Variants in NRG1 observed in about 807,000 individuals in gnomAD.
NRG1 encodes the protein neuregulin 1, also known as pro-neuregulin-1, membrane-bound isoform.
In NRG1, 18 loss-of-function variants were observed where a neutral mutation model predicts 63.8. The observed-to-expected ratio is 0.28, with a 90% CI of 0.19 to 0.42. The LOEUF (loss-of-function observed/expected upper bound fraction) is 0.42. NRG1 is among the 10% of genes least tolerant of loss of function. NRG1 has a pLI of 1.00. For synonymous variants in NRG1, 302 were observed against 301.3 expected (o/e 1.00, Z -0.02); for missense variants, 762 against 814.7 (o/e 0.94, Z 0.79).
chr8:31,924,875 T>C (rs1302262668), intron 1 of NRG1, among the ~76,000 whole-genome samples: 1 of 151,690 alleles, frequency 6.6e-6, no homozygotes, highest in Non-Finnish European at 1.5e-5. Flanking sequence ...ATTTAAAAAA[T>C]ATGTTGCTTA....
upstream of NRG1, among the ~76,000 whole-genome samples, chr8:32,545,260 A>G (rs1304202937): frequency 8.1e-6 from 1 of 123,726 alleles, no homozygotes; most frequent in Admixed American, 7.9e-5. Context: ...CGTTTCTCTT[A>G]CGCTGTCATT....
chr8:32,351,564 C>T (rs762138328), intron 1 of NRG1, among the ~76,000 whole-genome samples: 1 of 152,146 alleles, frequency 6.6e-6, no homozygotes, highest in Admixed American at 6.6e-5. Context: ...CTCTTTACTT[C>T]CTACAGTTCC....
At chr8:31,682,715 A>G (rs1808466042) in intron 1 of NRG1, among the ~76,000 whole-genome samples, 1 of 152,136 alleles carries the variant, frequency 6.6e-6, no homozygotes, top group Admixed American at 6.6e-5. Flanking sequence ...GCAATGAACC[A>G]CAGATAAAAA....
chr8:32,299,679 T>A (rs370758702), intron 1 of NRG1, among the ~76,000 whole-genome samples: 41 of 152,244 alleles, frequency 2.7e-4, no homozygotes, highest in African/African-American at 8.9e-4. Context: ...CTCACAATTA[T>A]GGTAGAAAGC....
chr8:32,348,742 A>G (rs749234400), intron 1 of NRG1, among the ~76,000 whole-genome samples: 2 of 152,214 alleles, frequency 1.3e-5, no homozygotes, highest in African/African-American at 4.8e-5. Context: ...AGACACAGCC[A>G]TTATCTATAA....
chr8:32,331,887 T>C (rs147881091), intron 1 of NRG1, among the ~76,000 whole-genome samples: 461 of 152,310 alleles, frequency 3.0e-3, no homozygotes, highest in African/African-American at 9.8e-3. Context: ...ATCAGCATCT[T>C]ACATCAGCTT....
intron 1 of NRG1, among the ~76,000 whole-genome samples, chr8:32,525,391 GGTGTGTGTGTGT>G (rs200594879): frequency 6.9e-5 from 10 of 145,890 alleles, no homozygotes; most frequent in East Asian, 2.1e-4. Flanking sequence ...ATGAGGTAGG[GGTGTGTGTGTGT>G]GTGTGTGTGT....
intron 5 of NRG1, among the ~76,000 whole-genome samples, chr8:32,626,566 G>T (rs1400775481): frequency 1.3e-5 from 2 of 151,998 alleles, no homozygotes; most frequent in East Asian, 3.9e-4. Context: ...TGTAGTCCCA[G>T]CTACTGGGGA....
Position 32,746,967 on chromosome 8 carries a change from A to G in NRG1, c.691+4234A>G, listed in dbSNP as rs535380357. ...GCTCTGGGTCTAGTATGACTGATGC[A>G]TGTTCCCTCTGCTTGTTTCCTTGTT... On this transcript the variant is annotated intron_variant, in intron 7 of 11. Coordinates refer to ENST00000356819, the Ensembl canonical transcript of NRG1. Among the ~76,000 whole-genome samples the G allele has an allele frequency of 7.8e-4, 118 of 150,676 alleles. 1 individual carries two copies. The highest frequency in any genetic ancestry group is 2.9e-3 in the African/African-American group (117 of 40,976).
intron 1 of NRG1, among the ~76,000 whole-genome samples, chr8:32,574,269 G>T (rs1488602251): frequency 2.0e-5 from 3 of 152,106 alleles, no homozygotes; most frequent in Non-Finnish European, 4.4e-5. Flanking sequence ...GAGACATTCC[G>T]TAATTATGTC....
intron 1 of NRG1, among the ~76,000 whole-genome samples, chr8:31,756,900 T>C (rs1305191922): frequency 1.1e-4 from 17 of 152,122 alleles, no homozygotes; most frequent in Admixed American, 1.1e-3. Context: ...TCATCTTCTT[T>C]TAGCAAACAT....
intron 1 of NRG1, among the ~76,000 whole-genome samples, chr8:32,426,776 G>T (rs1242751031): frequency 6.6e-6 from 1 of 152,168 alleles, no homozygotes; most frequent in Non-Finnish European, 1.5e-5. Flanking sequence ...GGTTTGAAAA[G>T]ATAGTGACAT....
intron 1 of NRG1, among the ~76,000 whole-genome samples, chr8:31,703,574 C>T (rs1209615993): frequency 6.6e-6 from 1 of 152,116 alleles, no homozygotes; most frequent in Non-Finnish European, 1.5e-5. Flanking sequence ...AAATGAGTTA[C>T]AAATGTCTTG....
intron 1 of NRG1, among the ~76,000 whole-genome samples, chr8:32,082,314 T>C (rs1025505828): frequency 3.3e-5 from 5 of 151,924 alleles, no homozygotes; most frequent in Non-Finnish European, 5.9e-5. Context: ...ACCCAGGGAT[T>C]AAGCCTGTTA....
At chr8:32,044,964 A>G (rs974033872) in intron 1 of NRG1, among the ~76,000 whole-genome samples, 2 of 149,520 alleles carry the variant, frequency 1.3e-5, no homozygotes, top group Non-Finnish European at 3.0e-5. Context: ...AAGTAAAAAT[A>G]ATAAAGAGCA....
Position 32,484,534 on chromosome 8 carries a change from A to G in NRG1, c.38-111294A>G, listed in dbSNP as rs1825692109. 2.0e-5 allele frequency among the ~76,000 whole-genome samples: 3 copies of G among 152,340 alleles called. No homozygotes were observed. In the South Asian group the frequency reaches 6.2e-4, roughly 32 times the overall value. ...TTTGAAGTCAAGGTGATTTTGTGAA[A>G]TACAAACGATGCTGTCCAGCAGGCA... On this transcript the variant is annotated intron_variant, in intron 1 of 10. Coordinates refer to the NRG1 transcript ENST00000519301.
At chr8:32,757,820 G>A (rs1416184019) in intron 9 of NRG1, among the ~76,000 whole-genome samples, 2 of 152,172 alleles carry the variant, frequency 1.3e-5, no homozygotes, top group Non-Finnish European at 2.9e-5. Context: ...CTTAAATAAG[G>A]TAATTTGCAT....
intron 1 of NRG1, among the ~76,000 whole-genome samples, chr8:32,417,868 T>C (rs1816148637): frequency 6.6e-6 from 1 of 152,214 alleles, no homozygotes; most frequent in African/African-American, 2.4e-5. Context: ...GTTTTGTCTT[T>C]CTTTTTTAAG....
chr8:32,567,367 T>C (rs1837646629), intron 1 of NRG1, among the ~76,000 whole-genome samples: 1 of 152,300 alleles, frequency 6.6e-6, no homozygotes, highest in South Asian at 2.1e-4. Context: ...TGAATGCAGT[T>C]GCTGTGGTTG....
Sources: allele counts gnomAD v4.1 joint callset (sites outside exome capture counted in the v4.1 genomes callset), GRCh38; gene constraint gnomAD v4.1.1; transcripts MANE v1.5; gene names NCBI Gene and HGNC (gene_info 2026-07-23, HGNC 2026-07-21).